KATNAL2: variants seen among roughly 807,000 people sequenced by gnomAD.
The protein encoded by KATNAL2 is katanin catalytic subunit A1 like 2.
Under a neutral mutation model 76.3 loss-of-function variants are expected in KATNAL2, and 52 were observed. The observed-to-expected ratio is 0.68, with a 90% CI of 0.55 to 0.86. KATNAL2 has a LOEUF of 0.86. KATNAL2 is among the 40% of genes least tolerant of loss of function. The probability of loss-of-function intolerance (pLI) is 0.00; values close to 1 mark genes in which losing one functional copy is unlikely to be tolerated. For synonymous variants in KATNAL2, 243 were observed against 244.2 expected, an observed-to-expected ratio of 1.00 and a Z score of 0.05; for missense variants, 660 against 668.9, an observed-to-expected ratio of 0.99 and a Z score of 0.15.
rs57907962 is a variant in KATNAL2 at position 47,083,122 on chromosome 18, A to C, written c.1211+5661A>C. On this transcript the variant is annotated intron_variant, in intron 15 of 17. Coordinates refer to ENST00000683218, the MANE Select transcript of KATNAL2 (RefSeq NM_001387690.1). ...TTTCCTTGCATAAAAATCTTTGACT[A>C]AAGTTCTGGTTGTTTCCTTAGGACA... Among the ~76,000 whole-genome samples, 835 of 152,350 alleles carry C rather than the reference A, an allele frequency of 5.5e-3. 9 individuals carry two copies. The highest frequency in any genetic ancestry group is 0.019 in the African/African-American group (801 of 41,578).
chr18:47,056,706 TC>T, intron 6 of KATNAL2, among the ~76,000 whole-genome samples: 1 of 152,192 alleles, frequency 6.6e-6, no homozygotes. Flanking sequence ...TTAAAGCAGA[TC>T]TTGGGGATCA....
Position 47,095,242 on chromosome 18 carries a change from G to A in KATNAL2, c.1212-4001G>A, listed in dbSNP as rs73954229. On this transcript the variant is annotated intron_variant, in intron 15 of 17. Transcript: ENST00000683218. ...ATTGTGTTTATCCCCAAATTTAAGT[G>A]CAGTCTTAGTTAATTTAAAGTTCAT... 5.5e-3 allele frequency among the ~76,000 whole-genome samples: 835 copies of A among 152,268 alleles called. 9 individuals carry two copies. Among genetic ancestry groups the A allele is most frequent in the African/African-American group, 0.019 (801 of 41,536 alleles).
At chr18:46,940,660 A>G (rs544682896) in intron 1 of KATNAL2, among the ~76,000 whole-genome samples, 1 of 152,324 alleles carries the variant, frequency 6.6e-6, no homozygotes, top group Non-Finnish European at 1.5e-5. Flanking sequence ...GAATGAGGCT[A>G]TGAAGACAGA....
At chr18:47,088,069 G>A (rs565031917) in intron 15 of KATNAL2, among the ~76,000 whole-genome samples, 6 of 152,254 alleles carry the variant, frequency 3.9e-5, no homozygotes, top group East Asian at 1.9e-4. Context: ...GCAGTTCTTC[G>A]TTCAGTGTTT....
chr18:47,066,754 T>C (rs1190898298), intron 10 of KATNAL2, among the ~76,000 whole-genome samples: 1 of 148,670 alleles, frequency 6.7e-6, no homozygotes, highest in African/African-American at 2.5e-5. Context: ...AATACCACAA[T>C]GTGTTATCAA....
chr18:47,031,737 C>A (rs2060463275), intron 3 of KATNAL2, among the ~76,000 whole-genome samples: 1 of 152,138 alleles, frequency 6.6e-6, no homozygotes, highest in South Asian at 2.1e-4. Flanking sequence ...CCTCGGCCTC[C>A]CAAAGTGCTG....
At chr18:46,932,955 G>T (rs1360119300) in intron 1 of KATNAL2, among the ~76,000 whole-genome samples, 1 of 151,848 alleles carries the variant, frequency 6.6e-6, no homozygotes. Flanking sequence ...TAGAGACAGG[G>T]TTTCACTATG....
At chr18:47,063,439 T>C in intron 10 of KATNAL2, 78 bp downstream of exon 10, 1 of 1,035,774 alleles carries the variant, frequency 9.7e-7, no homozygotes, top group Non-Finnish European at 1.5e-6. Flanking sequence ...CTTCTTTTAT[T>C]AATAACAATA....
chr18:46,933,838 C>T (rs911434737), intron 1 of KATNAL2, among the ~76,000 whole-genome samples: 15 of 139,740 alleles, frequency 1.1e-4, no homozygotes, highest in Non-Finnish European at 1.8e-4. Flanking sequence ...TGATGTTCCC[C>T]TTCCTGTGTC....
At chr18:47,036,737 G>T (rs2060789224) in intron 3 of KATNAL2, among the ~76,000 whole-genome samples, 2 of 152,112 alleles carry the variant, frequency 1.3e-5, no homozygotes, top group Non-Finnish European at 2.9e-5. Flanking sequence ...TCTTATTTCT[G>T]TTGTTACTTA....
chr18:46,951,597 C>T (rs559893922), intron 3 of KATNAL2, among the ~76,000 whole-genome samples: 1 of 151,826 alleles, frequency 6.6e-6, no homozygotes, highest in South Asian at 2.1e-4. Context: ...GCCCTATATC[C>T]CTCTTGTAGT....
intron 6 of KATNAL2, among the ~76,000 whole-genome samples, chr18:47,054,805 A>G (rs1261418004): frequency 3.3e-5 from 5 of 152,202 alleles, no homozygotes; most frequent in Non-Finnish European, 7.3e-5. Flanking sequence ...TGAGCACCCA[A>G]GATATAATAT....
rs1175715922 is a variant in KATNAL2 at position 47,075,349 on chromosome 18, CAG to C, written c.1086_1087del (p.Gly363HisfsTer8). The C allele has an allele frequency of 6.5e-7, 1 of 1,543,864 alleles. No individual in the cohort carries two copies. The highest frequency in any genetic ancestry group is 2.5e-5 in the East Asian group (1 of 39,434). ...GGACGAGCTGGAGTCGGTGATGAGT[CAG>C]AGAGGCACAGCTTCTGGGTAACAGA... ...FLDELESVMS[Q>X]RGTASGGEHE... is the part of the protein sequence containing the mutation. On this transcript the variant is annotated frameshift_variant, in exon 14 of 18. Coordinates refer to ENST00000683218, the MANE Select transcript of KATNAL2 (RefSeq NM_001387690.1). LOFTEE classifies it high-confidence loss of function.
chr18:46,933,860 A>G (rs1484101578), intron 1 of KATNAL2, among the ~76,000 whole-genome samples: 1 of 141,102 alleles, frequency 7.1e-6, no homozygotes, highest in Admixed American at 7.3e-5. Context: ...ATGTGTTCTC[A>G]TTGTTCAATT....
At chr18:47,053,512 A>T (rs1033578772) in intron 5 of KATNAL2, among the ~76,000 whole-genome samples, 2 of 152,226 alleles carry the variant, frequency 1.3e-5, no homozygotes, top group African/African-American at 4.8e-5. Flanking sequence ...ATAATGATCA[A>T]TATAATATAA....
rs1383903582 is a variant in KATNAL2, at chr18:47,035,367, C to T, written c.52-11090C>T. 2.5e-6 allele frequency: 4 copies of T among 1,571,774 alleles called. No individual in the cohort carries two copies. In the African/African-American group the frequency reaches 4.1e-5, roughly 16 times the overall value. On this transcript the variant is annotated intron_variant, in intron 3 of 17. Transcript: ENST00000683218. ...GTGGCCGGTCCTCGCTGCCCGGTCG[C>T]CAGGCAGCGACCTCGGGATGTGGAG...
At chr18:47,078,083 C>T (rs1233586059) in intron 15 of KATNAL2, among the ~76,000 whole-genome samples, 2 of 152,066 alleles carry the variant, frequency 1.3e-5, no homozygotes, top group Non-Finnish European at 2.9e-5. Flanking sequence ...AATGTTTTCA[C>T]ATACATTATT....
rs1369948185 is a variant in KATNAL2, at chr18:46,946,053, G to A, written c.-509-4G>A. On this transcript the variant is annotated splice_polypyrimidine_tract_variant and splice_region_variant and intron_variant, in intron 1 of 17. Transcript: ENST00000683218. ...CACTTACGAGAACTTTTTTTTTTTT[G>A]TAGATTGAGGAAACTTGAATATTTT... 1 of 285,658 alleles carries A rather than the reference G, an allele frequency of 3.5e-6. No individual in the cohort carries two copies. The highest frequency in any genetic ancestry group is 1.8e-4 in the East Asian group (1 of 5,680). 17.7% of individuals were successfully genotyped at this position (285,658 alleles called of 1,614,324 possible).
chr18:47,093,516 G>A (rs2063096925), intron 15 of KATNAL2, among the ~76,000 whole-genome samples: 1 of 148,654 alleles, frequency 6.7e-6, no homozygotes, highest in African/African-American at 2.5e-5. Context: ...GTGTATTTAT[G>A]TGCATGTTTG....
Sources: gnomAD v4.1 joint callset for allele counts (sites outside exome capture counted in the v4.1 genomes callset) on GRCh38, gnomAD v4.1.1 for gene constraint, MANE v1.5 for transcripts, NCBI Gene and HGNC (gene_info 2026-07-23, HGNC 2026-07-21) for gene names.